Variants in LAMA2 observed in about 807,000 individuals in gnomAD.
LAMA2 encodes the protein laminin subunit alpha 2, also known as laminin subunit alpha-2.
Under a neutral mutation model 364.8 loss-of-function variants are expected in LAMA2, and 269 were observed. That is an observed-to-expected ratio of 0.74 (90% CI 0.67 to 0.82). LAMA2 has a LOEUF of 0.82. Among genes scored for constraint, LAMA2 ranks in the 40% least tolerant of loss-of-function variants. The probability of loss-of-function intolerance (pLI) is 0.00; values close to 1 mark genes in which losing one functional copy is unlikely to be tolerated. For synonymous variants in LAMA2, 1,379 were observed against 1,370.6 expected (o/e 1.01, Z -0.14); for missense variants, 3,807 against 3,873.2 (o/e 0.98, Z 0.45).
chr6:129,291,733 G>A lies in LAMA2; in HGVS notation c.2856+13G>A, dbSNP rs149487202. 516 of 1,556,516 alleles carry A rather than the reference G, an allele frequency of 3.3e-4. 1 individual carries two copies. In the African/African-American group the frequency reaches 3.6e-3, roughly 11 times the overall value. ...TGACAAATGCAAGGTAAGGAGTAGA[G>A]GCTGACCCATAAATTACTTTCTCCT... On this transcript the variant is annotated intron_variant, in intron 20 of 64. Transcript: ENST00000421865.
At chr6:129,197,759 C>CA (rs916325546) in intron 12 of LAMA2, among the ~76,000 whole-genome samples, 14 of 151,620 alleles carry the variant, frequency 9.2e-5, no homozygotes, top group East Asian at 3.9e-4. Flanking sequence ...TATTAAAAAA[C>CA]AAAAAAAATC....
chr6:129,234,132 A>G (rs1784841979), intron 12 of LAMA2, among the ~76,000 whole-genome samples: 1 of 152,192 alleles, frequency 6.6e-6, no homozygotes, highest in African/African-American at 2.4e-5. Flanking sequence ...TTGGAGACGT[A>G]AAGGGAACTA....
In LAMA2 at chr6:129,177,768, G is replaced by T; in HGVS notation, c.1369G>T (p.Ala457Ser). The change falls in exon 10 of 65, where the codon GCC becomes TCC. Residue 457 changes from alanine to serine, a missense_variant. Around this residue, in one of 3 missense-constraint regions of LAMA2, gnomAD observed 3,333 missense variants for 3,345.7 expected, o/e 1.00. Coordinates refer to ENST00000421865, the MANE Select transcript of LAMA2 (RefSeq NM_000426.4). ...TGGAGGTGTGAGCTGTGATCGGTGT[G>T]CCAGGGGCTACACTGGCTACCCGGA... ...GFGGVSCDRC[A>S]RGYTGYPDCK... is the part of the protein sequence containing the mutation. The T allele has an allele frequency of 6.2e-7, 1 of 1,613,976 alleles. No homozygotes were observed. The highest frequency in any genetic ancestry group is 8.5e-7 in the Non-Finnish European group (1 of 1,179,936).
At chr6:129,141,782 T>C (rs571573717) in intron 4 of LAMA2, among the ~76,000 whole-genome samples, 1 of 152,132 alleles carries the variant, frequency 6.6e-6, no homozygotes, top group South Asian at 2.1e-4. Flanking sequence ...GCACACACTG[T>C]CCTGTACCCA....
At chr6:129,236,895 G>A (rs1396328631) in intron 12 of LAMA2, among the ~76,000 whole-genome samples, 2 of 152,080 alleles carry the variant, frequency 1.3e-5, no homozygotes, top group Non-Finnish European at 2.9e-5. Context: ...GTAAGTATAT[G>A]TAATATATCA....
At chr6:129,302,799 CTT>C (rs375931944) in intron 22 of LAMA2, among the ~76,000 whole-genome samples, 440 of 152,176 alleles carry the variant, frequency 2.9e-3, no homozygotes, top group African/African-American at 9.8e-3. Flanking sequence ...TTTCTGGACT[CTT>C]TTCTGCTTCA....
intron 1 of LAMA2, among the ~76,000 whole-genome samples, chr6:128,938,253 C>T (rs1399157122): frequency 1.3e-5 from 2 of 151,988 alleles, no homozygotes; most frequent in African/African-American, 4.8e-5. Context: ...AGAGTATCTA[C>T]CTCCCTGACT....
intron 12 of LAMA2, among the ~76,000 whole-genome samples, chr6:129,244,353 A>G (rs532925003): frequency 3.3e-5 from 5 of 152,232 alleles, no homozygotes; most frequent in Admixed American, 6.5e-5. Context: ...GCATGAATAA[A>G]CACTTCTATG....
chr6:129,497,689 C>G (rs906210535), intron 58 of LAMA2, among the ~76,000 whole-genome samples: 2 of 152,062 alleles, frequency 1.3e-5, no homozygotes, highest in Non-Finnish European at 2.9e-5. Context: ...TCTTTACACC[C>G]ATCACACCCA....
At chr6:129,209,562 T>G (rs761316963) in intron 12 of LAMA2, among the ~76,000 whole-genome samples, 1 of 152,182 alleles carries the variant, frequency 6.6e-6, no homozygotes, top group Non-Finnish European at 1.5e-5. Context: ...TATAGTACAG[T>G]ATGTTTATTT....
At chr6:129,166,852 A>G (rs1442299524) in intron 9 of LAMA2, among the ~76,000 whole-genome samples, 3 of 152,166 alleles carry the variant, frequency 2.0e-5, no homozygotes, top group Non-Finnish European at 2.9e-5. Flanking sequence ...TTTCCCCAAA[A>G]ATCTATGAAA....
intron 1 of LAMA2, among the ~76,000 whole-genome samples, chr6:128,910,522 CT>C (rs1443312170): frequency 6.6e-6 from 1 of 151,920 alleles, no homozygotes; most frequent in Non-Finnish European, 1.5e-5. Context: ...ATTGGTTATT[CT>C]AGTTATACAT....
At chr6:129,171,271 G>T (rs1307611933) in intron 9 of LAMA2, among the ~76,000 whole-genome samples, 1 of 152,136 alleles carries the variant, frequency 6.6e-6, no homozygotes, top group Admixed American at 6.5e-5. Flanking sequence ...TCCTAGCATC[G>T]ATGGTCTTTA....
At chr6:129,297,166 A>C (rs1019500094) in intron 20 of LAMA2, among the ~76,000 whole-genome samples, 2 of 152,208 alleles carry the variant, frequency 1.3e-5, no homozygotes, top group Admixed American at 1.3e-4. Flanking sequence ...TGTGAACACT[A>C]TAGCAATGAT....
chr6:129,076,502 T>TA (rs1313217044), intron 3 of LAMA2, among the ~76,000 whole-genome samples: 1 of 11,566 alleles, frequency 8.6e-5, no homozygotes, highest in Non-Finnish European at 2.7e-4. Context: ...TATATATAAA[T>TA]ATATATATAT....
intron 34 of LAMA2, among the ~76,000 whole-genome samples, chr6:129,373,275 C>T (rs1778190028): frequency 6.6e-6 from 1 of 152,120 alleles, no homozygotes; most frequent in Non-Finnish European, 1.5e-5. Flanking sequence ...GCATTTTACA[C>T]TTAGGTCTAT....
rs1010125484 is a variant in LAMA2 at position 129,353,411 on chromosome 6, T to C, written c.4717+54T>C. ...TGGAGGCCTTGATTCCAGTTCTGTC[T>C]CATTTCCAATGAGAAAGAGTGACTC... On this transcript the variant is annotated intron_variant, in intron 32 of 64. Coordinates refer to ENST00000421865, the MANE Select transcript of LAMA2 (RefSeq NM_000426.4). The C allele has an allele frequency of 2.1e-6, 3 of 1,436,334 alleles. No homozygotes were observed. In the African/African-American group the frequency reaches 4.3e-5, roughly 20 times the overall value. 89.0% of individuals were successfully genotyped at this position (1,436,334 alleles called of 1,614,324 possible). A position where few individuals can be genotyped will look rare whatever the true frequency, so the allele number is the denominator to read the frequency against.
At chr6:129,343,114 C>A (rs745467388) in intron 30 of LAMA2, among the ~76,000 whole-genome samples, 1 of 152,000 alleles carries the variant, frequency 6.6e-6, no homozygotes, top group Non-Finnish European at 1.5e-5. Context: ...TGATGAAAAC[C>A]CTAGGTGTTT....
chr6:129,129,780 C>A (rs1234299295), intron 4 of LAMA2, among the ~76,000 whole-genome samples: 3 of 151,306 alleles, frequency 2.0e-5, no homozygotes, highest in Admixed American at 2.0e-4. Flanking sequence ...AAAAATTAGC[C>A]AGGCGTAGTG....
Sources: allele counts gnomAD v4.1 joint callset (sites outside exome capture counted in the v4.1 genomes callset), GRCh38; gene constraint gnomAD v4.1.1; regional missense constraint gnomAD v4.1.1; transcripts MANE v1.5; gene names NCBI Gene and HGNC (gene_info 2026-07-23, HGNC 2026-07-21).